The following SLC20A1 variants were observed in gnomAD, a reference collection of about 807,000 sequenced individuals.
SLC20A1 encodes the protein solute carrier family 20 member 1.
SLC20A1 carries 28 observed loss-of-function variants against 62.7 expected under a neutral mutation model. The observed-to-expected ratio is 0.45, with a 90% CI of 0.33 to 0.61. The LOEUF is 0.61. Among genes scored for constraint, SLC20A1 ranks in the 20% least tolerant of loss-of-function variants. The pLI is 0.02. For missense variants in SLC20A1, 673 were observed against 838.6 expected, an observed-to-expected ratio of 0.80 and a Z score of 2.44; for synonymous variants, 305 against 302.9, an observed-to-expected ratio of 1.01 and a Z score of -0.07.
Position 112,663,622 on chromosome 2 carries a change from A to G in SLC20A1, c.*597A>G, listed in dbSNP as rs1277872475. The stretch of plus-strand genomic sequence containing the variant: ...AAATTTAAATTAGTAACTTTTTTGC[A>G]AGCAGTTTATTGACTGTTATTGCTA... On this transcript the variant is annotated 3_prime_UTR_variant, in exon 11 of 11. Coordinates refer to ENST00000272542, the MANE Select transcript of SLC20A1 (RefSeq NM_005415.5). 1 of 156,464 alleles carries G rather than the reference A, an allele frequency of 6.4e-6. No homozygotes were observed. Among genetic ancestry groups the G allele is most frequent in the Non-Finnish European group, 1.4e-5 (1 of 70,518 alleles). 9.7% of individuals were successfully genotyped at this position (156,464 alleles called of 1,614,324 possible). A position where few individuals can be genotyped will look rare whatever the true frequency, so the allele number is the denominator to read the frequency against.
rs116242944 is a variant in SLC20A1, at chr2:112,649,605, A to G, written c.561+1867A>G. Among the ~76,000 whole-genome samples, 759 of 152,106 alleles carry G rather than the reference A, an allele frequency of 5.0e-3. 5 individuals are homozygous for G. Among genetic ancestry groups the G allele is most frequent in the African/African-American group, 0.017 (710 of 41,490 alleles). On this transcript the variant is annotated intron_variant, in intron 4 of 10. Coordinates refer to ENST00000272542, the MANE Select transcript of SLC20A1 (RefSeq NM_005415.5). ...AAAAAATTGCTTTTAAACATTTTCT[A>G]TTCTCTGAATGTTTGTTCCAAGCAT...
In SLC20A1 at chr2:112,657,190, G is replaced by T. The variant is rs774549910; in HGVS notation, c.727G>T (p.Ala243Ser). The change falls in exon 6 of 11, where the codon GCC becomes TCC. Residue 243 changes from alanine (A) to serine (S), a missense_variant. Coordinates refer to ENST00000272542, the MANE Select transcript of SLC20A1 (RefSeq NM_005415.5). Reference protein sequence around the residue: ...LISVGCAVFCALIVWFFVCPR... With the variant: ...LISVGCAVFCSLIVWFFVCPR... ...CTCGGTGGGATGTGCAGTTTTCTGT[G>T]CCCTTATCGTCTGGTTCTTTGTATG... The T allele has an allele frequency of 3.1e-6, 5 of 1,613,222 alleles. No individual in the cohort carries two copies. Among genetic ancestry groups the T allele is most frequent in the Non-Finnish European group, 4.2e-6 (5 of 1,179,728 alleles).
chr2:112,662,823 G>T, intron 10 of SLC20A1, 41 bp from the exon 11 acceptor site: 1 of 1,603,734 alleles, frequency 6.2e-7, no homozygotes. Flanking sequence ...AATACCACTG[G>T]CACTTCAATA....
intron 9 of SLC20A1, 121 bp from the exon 10 acceptor site, chr2:112,661,021 A>G: frequency 1.5e-6 from 1 of 648,760 alleles, no homozygotes; most frequent in Admixed American, 2.3e-5. Flanking sequence ...GCAAATAAAG[A>G]TGTCAGTGGA....
At chr2:112,658,514 G>A (rs533619400) in intron 6 of SLC20A1, 3 of 236,054 alleles carry the variant, frequency 1.3e-5, no homozygotes, top group East Asian at 1.9e-4. Flanking sequence ...GCTAAGAAGG[G>A]TTCTTATATC....
At chr2:112,648,021 G>T (rs1462821798) in intron 4 of SLC20A1, among the ~76,000 whole-genome samples, 2 of 152,186 alleles carry the variant, frequency 1.3e-5, no homozygotes, top group Non-Finnish European at 2.9e-5. Flanking sequence ...GCGTGGTTTT[G>T]TGTAGCTGTA....
rs116496216 is a variant in SLC20A1 at position 112,658,034 on chromosome 2, C to T, written c.779-791C>T. Among the ~76,000 whole-genome samples the T allele has an allele frequency of 5.3e-3, 804 of 152,354 alleles. 12 individuals carry two copies. Among genetic ancestry groups the T allele is most frequent in the African/African-American group, 0.018 (762 of 41,572 alleles). ...GACTGCAGTGGTGTTAGGAAGAACG[C>T]TGCGTCACCGCAGCTGAACCGAAGA... On this transcript the variant is annotated intron_variant, in intron 6 of 10. Transcript: ENST00000272542.
chr2:112,647,563 C>T lies in SLC20A1; in HGVS notation c.476-90C>T, dbSNP rs1686317887. 1.2e-5 allele frequency: 19 copies of T among 1,576,704 alleles called. 1 individual carries two copies. In the South Asian group the frequency reaches 2.0e-4, roughly 17 times the overall value. ...TGTGTTCTAACGTCGAGGGACAGAC[C>T]CAAGAATTTTGAACTCTTAAACATT... is the stretch of plus-strand genomic sequence containing the variant. On this transcript the variant is annotated intron_variant, in intron 3 of 10. Coordinates refer to ENST00000272542, the MANE Select transcript of SLC20A1 (RefSeq NM_005415.5).
chr2:112,660,550 C>T lies in SLC20A1; in HGVS notation c.1771C>T (p.Leu591=), dbSNP rs1686720394. The change falls in exon 9 of 11, where the codon CTG becomes TTG. Residue 591 remains leucine, a synonymous_variant. Coordinates refer to ENST00000272542, the MANE Select transcript of SLC20A1 (RefSeq NM_005415.5). Reference sequence around the variant, plus strand: ...AGTTATCCAGACCATGGGGAAGGATCTGACACCGATCACACCCTCTAGGTA... The same window carrying T: ...AGTTATCCAGACCATGGGGAAGGATTTGACACCGATCACACCCTCTAGGTA... ...RRVIQTMGKD[L]TPITPSSGFS... is the part of the protein sequence containing the mutation. 4 of 1,614,078 alleles carry T rather than the reference C, an allele frequency of 2.5e-6. No homozygotes were observed. The highest frequency in any genetic ancestry group is 1.7e-5 in the Admixed American group (1 of 59,990).
intron 4 of SLC20A1, among the ~76,000 whole-genome samples, chr2:112,650,159 C>T (rs928744233): frequency 2.6e-5 from 4 of 152,140 alleles, no homozygotes; most frequent in Admixed American, 2.6e-4. Flanking sequence ...TTGGGCTATG[C>T]TATACAGGAT....
chr2:112,652,384 G>A, intron 4 of SLC20A1: 2 of 377,160 alleles, frequency 5.3e-6, no homozygotes, highest in Admixed American at 8.6e-5. Flanking sequence ...ATCCTCAGGT[G>A]TGTGCTGAAG....
At chr2:112,660,653 C>T (rs539836410) in intron 9 of SLC20A1, 81 bp downstream of exon 9, 198 of 1,205,568 alleles carry the variant, frequency 1.6e-4, no homozygotes, top group Non-Finnish European at 2.0e-4. Flanking sequence ...TAACACAAAT[C>T]TCTAAAGTAA....
At chr2:112,659,855 A>G (rs1402961148) in intron 8 of SLC20A1, 93 bp downstream of exon 8, 6 of 1,067,768 alleles carry the variant, frequency 5.6e-6, no homozygotes, top group Non-Finnish European at 8.2e-6. Context: ...TACTCCTAGC[A>G]TTTACAGGAC....
intron 1 of SLC20A1, 101 bp downstream of exon 1, chr2:112,646,230 TTC>T (rs1686269235): frequency 6.6e-6 from 1 of 152,056 alleles, no homozygotes; most frequent in Non-Finnish European, 1.5e-5. Context: ...CGCGGCTGGC[TTC>T]TCTCTTCGCC....
rs1686787400 is a variant in SLC20A1, at chr2:112,662,799, T to C, written c.1879-65T>C. The C allele has an allele frequency of 2.6e-6, 4 of 1,521,468 alleles. No individual in the cohort carries two copies. The South Asian group carries it at 4.6e-5, about 17-fold the overall frequency. The allele number at this position is 1,521,468 out of a possible 1,614,324, so 94.2% of individuals were successfully genotyped here. A position where few individuals can be genotyped will look rare whatever the true frequency, so the allele number is the denominator to read the frequency against. On this transcript the variant is annotated intron_variant, in intron 10 of 10. Coordinates refer to ENST00000272542, the MANE Select transcript of SLC20A1 (RefSeq NM_005415.5). ...GGCTCCTTGTCCAAACAGTCTCAGG[T>C]GTCTGTTTGCCAGAATACCACTGGC...
intron 6 of SLC20A1, 70 bp from the exon 7 acceptor site, chr2:112,658,755 G>A (rs1260046206): frequency 6.7e-7 from 1 of 1,490,160 alleles, no homozygotes. Flanking sequence ...TGGGGGTGGA[G>A]GAAAGGAGAC....
intron 6 of SLC20A1, among the ~76,000 whole-genome samples, chr2:112,657,884 C>T (rs1360098353): frequency 6.6e-6 from 1 of 152,210 alleles, no homozygotes; most frequent in Non-Finnish European, 1.5e-5. Context: ...TAATTAAATA[C>T]TGAGTAAATT....
rs554382426 is a variant in SLC20A1, at chr2:112,662,536, C to T, written c.1879-328C>T. Among the ~76,000 whole-genome samples, 294 of 152,286 alleles carry T rather than the reference C, an allele frequency of 1.9e-3. 1 individual carries two copies. Among genetic ancestry groups the T allele is most frequent in the African/African-American group, 6.1e-3 (252 of 41,548 alleles). On this transcript the variant is annotated intron_variant, in intron 10 of 10. Transcript: ENST00000272542. ...TGGAGGTTGCAGTGAGCCAAGATTG[C>T]GCCACTGTACTCCAGCCTGGGCGAC... is the stretch of plus-strand genomic sequence containing the variant.
rs758961672 is a variant in SLC20A1 at position 112,647,140 on chromosome 2, C to T, written c.312C>T (p.Ala104=). The stretch of plus-strand genomic sequence containing the variant: ...ACTCGACTCAAGGGCTGCTGATGGC[C>T]GGCTCAGTCAGTGCTATGTTTGGTA... ...MYNSTQGLLM[A]GSVSAMFGSA... The change falls in exon 2 of 11, where the codon GCC becomes GCT. Residue 104 remains alanine, a synonymous_variant. Transcript: ENST00000272542. The T allele has an allele frequency of 2.5e-6, 4 of 1,613,586 alleles. No homozygotes were observed. Among genetic ancestry groups the T allele is most frequent in the Admixed American group, 3.3e-5 (2 of 59,986 alleles).
Sources: allele counts gnomAD v4.1 joint callset (sites outside exome capture counted in the v4.1 genomes callset), GRCh38; gene constraint gnomAD v4.1.1; transcripts MANE v1.5; gene names NCBI Gene and HGNC (gene_info 2026-07-23, HGNC 2026-07-21).